The following SUSD4 variants were observed in gnomAD, a reference collection of about 807,000 sequenced individuals.
SUSD4 encodes the protein sushi domain-containing protein 4.
In SUSD4, 41 loss-of-function variants were observed where a neutral mutation model predicts 50.5. That is an observed-to-expected ratio of 0.81 (90% CI 0.63 to 1.05). SUSD4 has a LOEUF of 1.05. Among genes scored for constraint, SUSD4 ranks in the 50% least tolerant of loss-of-function variants. The probability of loss-of-function intolerance (pLI) is 0.00; values close to 1 mark genes in which losing one functional copy is unlikely to be tolerated. For missense variants in SUSD4, 580 were observed against 634.7 expected, an observed-to-expected ratio of 0.91 and a Z score of 0.93; for synonymous variants, 257 against 257.3, an observed-to-expected ratio of 1.00 and a Z score of 0.01.
In SUSD4 at chr1:223,231,110, C is replaced by A. The variant is rs1449552454; in HGVS notation, c.725-1722G>T. On this transcript the variant is annotated intron_variant, in intron 5 of 8. Transcript: ENST00000366878. The surrounding 1 kb of genome is among the most constrained non-coding windows in gnomAD (Gnocchi z 4.2). ...TGGGGTCCCTAGTGGAAGGTGGAAC[C>A]ATGGAGGTCTATCCCGCGGGAACTG... 6.6e-6 allele frequency among the ~76,000 whole-genome samples: 1 copy of A among 151,988 alleles called. No individual in the cohort carries two copies. Among genetic ancestry groups the A allele is most frequent in the Non-Finnish European group, 1.5e-5 (1 of 67,986 alleles).
chr1:223,337,072 G>A (rs1476716687), intron 2 of SUSD4, among the ~76,000 whole-genome samples: 4 of 152,192 alleles, frequency 2.6e-5, no homozygotes, highest in African/African-American at 9.7e-5. Flanking sequence ...AACGGTATGA[G>A]CTGTATCTCT....
intron 2 of SUSD4, among the ~76,000 whole-genome samples, chr1:223,298,621 G>A (rs937328998): frequency 2.0e-5 from 3 of 152,118 alleles, no homozygotes; most frequent in African/African-American, 4.8e-5. Context: ...TCAGATGGTC[G>A]TATCCCCCAC....
At chr1:223,254,831 G>C (rs1661581795) in intron 5 of SUSD4, among the ~76,000 whole-genome samples, 1 of 152,206 alleles carries the variant, frequency 6.6e-6, no homozygotes, top group Admixed American at 6.5e-5. Context: ...TAAGCACAGT[G>C]ATCCTTGAGA....
intron 2 of SUSD4, among the ~76,000 whole-genome samples, chr1:223,307,663 T>C (rs1665624752): frequency 1.3e-5 from 2 of 152,146 alleles, no homozygotes; most frequent in African/African-American, 4.8e-5. Flanking sequence ...AAACAGAAGA[T>C]ACTATGGGAA....
At chr1:223,248,760 T>C (rs1358559885) in intron 5 of SUSD4, among the ~76,000 whole-genome samples, 1 of 152,112 alleles carries the variant, frequency 6.6e-6, no homozygotes, top group Non-Finnish European at 1.5e-5. Flanking sequence ...AGGGAGGGGC[T>C]CTCACCTGCT....
intron 5 of SUSD4, among the ~76,000 whole-genome samples, chr1:223,239,717 CTG>C (rs376158993): frequency 1.6e-3 from 234 of 149,226 alleles, no homozygotes; most frequent in Non-Finnish European, 2.6e-3. Context: ...ATATAAGCGT[CTG>C]TGTGTGTGTG....
chr1:223,255,378 G>A (rs1000205371), intron 5 of SUSD4, among the ~76,000 whole-genome samples: 1 of 152,152 alleles, frequency 6.6e-6, no homozygotes, highest in African/African-American at 2.4e-5. Context: ...GTTGGGGGGT[G>A]GGAGGTTTCT....
At chr1:223,355,641 G>C (rs1199584727) in intron 2 of SUSD4, among the ~76,000 whole-genome samples, 5 of 151,942 alleles carry the variant, frequency 3.3e-5, no homozygotes, top group African/African-American at 4.8e-5. Flanking sequence ...GTTACTCTGA[G>C]AAAAAAAGGA....
chr1:223,353,790 T>C (rs978495928), intron 2 of SUSD4, among the ~76,000 whole-genome samples: 2 of 152,002 alleles, frequency 1.3e-5, no homozygotes, highest in African/African-American at 2.4e-5. Context: ...CACTGCAGTG[T>C]TCAGGTGACA....
intron 2 of SUSD4, among the ~76,000 whole-genome samples, chr1:223,302,621 GC>G (rs1485222965): frequency 2.0e-5 from 3 of 152,148 alleles, no homozygotes; most frequent in African/African-American, 7.2e-5. Flanking sequence ...AGGGCCCCCT[GC>G]CCCAATGATA....
chr1:223,309,687 C>T (rs912290192), intron 2 of SUSD4, among the ~76,000 whole-genome samples: 1 of 152,178 alleles, frequency 6.6e-6, no homozygotes, highest in Non-Finnish European at 1.5e-5. Context: ...TTGGTGTGAA[C>T]AGGTATGAAT....
In SUSD4 at chr1:223,246,267, G is replaced by A. The variant is rs117071514; in HGVS notation, c.725-16879C>T. Among the ~76,000 whole-genome samples, 789 of 152,208 alleles carry A rather than the reference G, an allele frequency of 5.2e-3. 28 individuals carry two copies. The East Asian group carries it at 0.11, about 21-fold the overall frequency. On this transcript the variant is annotated intron_variant, in intron 5 of 8. Transcript: ENST00000366878. ...AGCTCCTCACAAGCTGAGAAGGATG[G>A]AAAAAGAAGAGTGGCCATTGGATTT...
chr1:223,303,018 T>C (rs1384117038), intron 2 of SUSD4, among the ~76,000 whole-genome samples: 1 of 151,998 alleles, frequency 6.6e-6, no homozygotes, highest in Non-Finnish European at 1.5e-5. Flanking sequence ...CATGGTGGTA[T>C]GCTCCTATAG....
chr1:223,286,741 A>G (rs973396062), intron 3 of SUSD4, among the ~76,000 whole-genome samples: 3 of 152,232 alleles, frequency 2.0e-5, no homozygotes, highest in Non-Finnish European at 2.9e-5. Context: ...GTAATAAATA[A>G]TAACATCGAG....
intron 3 of SUSD4, among the ~76,000 whole-genome samples, chr1:223,275,722 G>A (rs962352443): frequency 6.5e-4 from 88 of 135,476 alleles, no homozygotes; most frequent in African/African-American, 1.5e-3. Context: ...CCCCGCCCCC[G>A]GCAATTACCA....
chr1:223,329,900 G>C (rs1667083795), intron 2 of SUSD4, among the ~76,000 whole-genome samples: 1 of 152,114 alleles, frequency 6.6e-6, no homozygotes, highest in Non-Finnish European at 1.5e-5. Context: ...CAGTATAGAT[G>C]AATGGATGGA....
intron 5 of SUSD4, among the ~76,000 whole-genome samples, chr1:223,243,685 G>A (rs1660735443): frequency 6.6e-6 from 1 of 152,158 alleles, no homozygotes; most frequent in African/African-American, 2.4e-5. Context: ...GTACATCCAG[G>A]CCCCCATCGG....
chr1:223,341,496 G>T (rs1667757276), intron 2 of SUSD4, among the ~76,000 whole-genome samples: 1 of 149,812 alleles, frequency 6.7e-6, no homozygotes, highest in Non-Finnish European at 1.5e-5. Context: ...TTCCAGCTGT[G>T]AAGGCTGAGT....
In SUSD4 at chr1:223,315,167, T is replaced by C. The variant is rs370991038; in HGVS notation, c.149-22516A>G. Among the ~76,000 whole-genome samples the C allele has an allele frequency of 3.9e-5, 6 of 152,364 alleles. No individual in the cohort carries two copies. The East Asian group carries it at 9.6e-4, about 24-fold the overall frequency. ...TTCCTGGGTGTAAGCCAAGCTATGTTTGGGAGACATTTAGTTTATAGTTTA... is the reference window on the plus strand; with the variant it reads ...TTCCTGGGTGTAAGCCAAGCTATGTCTGGGAGACATTTAGTTTATAGTTTA... On this transcript the variant is annotated intron_variant, in intron 2 of 8. Transcript: ENST00000366878.
Sources: gnomAD v4.1 joint callset for allele counts (sites outside exome capture counted in the v4.1 genomes callset) on GRCh38, gnomAD v4.1.1 for gene constraint, Gnocchi (gnomAD v3.1) non-coding constraint, MANE v1.5 for transcripts, NCBI Gene and HGNC (gene_info 2026-07-23, HGNC 2026-07-21) for gene names.